The following JAM2 variants were observed in gnomAD, a reference collection of about 807,000 sequenced individuals.
JAM2 encodes the protein junctional adhesion molecule B.
JAM2 carries 17 observed loss-of-function variants against 42.0 expected under a neutral mutation model. The ratio of observed to expected loss-of-function variants is 0.40; its 90% CI spans 0.28 to 0.61. The LOEUF (loss-of-function observed/expected upper bound fraction) is 0.61, where lower values mean the gene tolerates loss of function less well. JAM2 is among the 20% of genes least tolerant of loss of function. JAM2 has a pLI of 0.37. For missense variants in JAM2, 319 were observed against 358.3 expected (o/e 0.89, Z 0.89); for synonymous variants, 118 against 128.6 (o/e 0.92, Z 0.56).
At chr21:25,678,033 A>G (rs1388900926) in intron 1 of JAM2, among the ~76,000 whole-genome samples, 2 of 152,046 alleles carry the variant, frequency 1.3e-5, no homozygotes, top group Non-Finnish European at 2.9e-5. Context: ...CAGGAGTTTG[A>G]GAACAGCCAT....
chr21:25,670,204 C>T (rs1318235172), intron 1 of JAM2, among the ~76,000 whole-genome samples: 1 of 151,958 alleles, frequency 6.6e-6, no homozygotes, highest in Non-Finnish European at 1.5e-5. Flanking sequence ...TTGACCTTGG[C>T]TGCGCATGGT....
chr21:25,675,058 G>C (rs1014223592), intron 1 of JAM2, among the ~76,000 whole-genome samples: 3 of 152,066 alleles, frequency 2.0e-5, no homozygotes, highest in African/African-American at 7.2e-5. Context: ...AGGCTGTACA[G>C]GAAGCATAGT....
intron 4 of JAM2, among the ~76,000 whole-genome samples, chr21:25,696,891 A>C (rs1462861300): frequency 6.6e-6 from 1 of 152,110 alleles, no homozygotes; most frequent in African/African-American, 2.4e-5. Flanking sequence ...TGTTGTTTTG[A>C]GACAAAATTT....
At chr21:25,706,792 T>G (rs2034280569) in intron 7 of JAM2, among the ~76,000 whole-genome samples, 1 of 152,118 alleles carries the variant, frequency 6.6e-6, no homozygotes, top group South Asian at 2.1e-4. Flanking sequence ...CAGGCTGGAG[T>G]GCAGTAGCGC....
intron 2 of JAM2, 66 bp from the exon 3 acceptor site, chr21:25,689,800 C>T: frequency 2.1e-6 from 2 of 975,006 alleles, no homozygotes; most frequent in East Asian, 2.4e-5. Context: ...ATTTTGTTAC[C>T]TAGTTAAGTA....
rs113858596 is a variant in JAM2, at chr21:25,680,397, C to A, written c.68-3486C>A. 1.5e-3 allele frequency among the ~76,000 whole-genome samples: 229 copies of A among 152,314 alleles called. 1 individual carries two copies. The highest frequency in any genetic ancestry group is 5.1e-3 in the African/African-American group (210 of 41,566). ...TACTTCAGAACATTTTCATGGATGA[C>A]TCACAATTCTTAGTCTGCAGATGGA... On this transcript the variant is annotated intron_variant, in intron 1 of 9. Transcript: ENST00000480456.
chr21:25,669,381 AAAAAAAAG>A (rs139958612), intron 1 of JAM2, among the ~76,000 whole-genome samples: 33,105 of 149,306 alleles, frequency 0.22, 5,399 homozygotes, highest in African/African-American at 0.44. Flanking sequence ...CAAAAAAAAG[AAAAAAAAG>A]AAAAAAAGAA....
chr21:25,650,594 G>T (rs895432321), intron 1 of JAM2, among the ~76,000 whole-genome samples: 1 of 152,024 alleles, frequency 6.6e-6, no homozygotes, highest in Non-Finnish European at 1.5e-5. Flanking sequence ...ATGTCCTGAC[G>T]TGTGTTTTAA....
At position 25,664,243 on chromosome 21, in the gene JAM2, AT is replaced by A. The variant is rs959333515; in HGVS notation, c.68-19630del. Among the ~76,000 whole-genome samples the A allele has an allele frequency of 8.7e-4, 129 of 148,660 alleles. 1 individual carries two copies. The highest frequency in any genetic ancestry group is 2.8e-3 in the African/African-American group (114 of 40,642). On this transcript the variant is annotated intron_variant, in intron 1 of 9. Coordinates refer to ENST00000480456, the MANE Select transcript of JAM2 (RefSeq NM_021219.4). ...TATTTATTTTTTATTTTACTTATTT[AT>A]TTTTTTTTTGAGACAGAGTCTTTCT...
chr21:25,706,117 A>G (rs749101824), intron 7 of JAM2, 31 bp downstream of exon 7: 20 of 1,297,938 alleles, frequency 1.5e-5, no homozygotes, highest in Middle Eastern at 3.6e-4. Context: ...TTTGGCAGAT[A>G]ACTTTCTATG....
Position 25,714,814 on chromosome 21 carries a change from A to G in JAM2, c.*142A>G, listed in dbSNP as rs2034450711. The stretch of plus-strand genomic sequence containing the variant: ...TTTCATTTTAATTTTCATGACTACT[A>G]ACTCACCTGAACTTGCTATTTTAAA... On this transcript the variant is annotated 3_prime_UTR_variant, in exon 10 of 10. Transcript: ENST00000480456. The G allele has an allele frequency of 5.7e-6, 3 of 522,012 alleles. No homozygotes were observed. Among genetic ancestry groups the G allele is most frequent in the Non-Finnish European group, 1.0e-5 (3 of 295,608 alleles). 32.3% of individuals were successfully genotyped at this position (522,012 alleles called of 1,614,324 possible). A position where few individuals can be genotyped will look rare whatever the true frequency, so the allele number is the denominator to read the frequency against.
intron 2 of JAM2, 51 bp downstream of exon 2, chr21:25,683,999 A>G (rs2033696034): frequency 8.7e-7 from 1 of 1,151,210 alleles, no homozygotes; most frequent in Non-Finnish European, 1.3e-6. Flanking sequence ...ATAACTCACG[A>G]GAGTGACTCG....
In JAM2 at chr21:25,715,878, T is replaced by C. The variant is rs184170160; in HGVS notation, c.*1206T>C. The C allele has an allele frequency of 6.6e-6, 1 of 152,212 alleles. No individual in the cohort carries two copies. The allele number at this position is 152,212 out of a possible 1,614,324, so 9.4% of individuals were successfully genotyped here. ...ACTTCTTTTAATTACTGAATTGATA[T>C]TAAAAACAAAATATGGCTAGGGCAT... On this transcript the variant is annotated 3_prime_UTR_variant, in exon 10 of 10. Transcript: ENST00000480456.
intron 8 of JAM2, chr21:25,710,220 AT>A (rs886413627): frequency 6.6e-6 from 1 of 152,188 alleles, no homozygotes; most frequent in African/African-American, 2.4e-5. Flanking sequence ...TTCAAATAAA[AT>A]TTTAGTTAAC....
chr21:25,699,538 C>T (rs556993452), intron 5 of JAM2, among the ~76,000 whole-genome samples: 105 of 151,872 alleles, frequency 6.9e-4, no homozygotes, highest in Non-Finnish European at 1.0e-3. Context: ...CTGGCTAACA[C>T]GGTGAAACCC....
intron 1 of JAM2, among the ~76,000 whole-genome samples, chr21:25,645,646 T>C (rs1028692135): frequency 1.3e-5 from 2 of 152,228 alleles, no homozygotes; most frequent in African/African-American, 2.4e-5. Flanking sequence ...AATTGCTTTT[T>C]ACAGTTGTCA....
At chr21:25,667,564 T>G (rs1200781447) in intron 1 of JAM2, among the ~76,000 whole-genome samples, 2 of 152,246 alleles carry the variant, frequency 1.3e-5, no homozygotes, top group East Asian at 3.8e-4. Flanking sequence ...TTAAACTTTA[T>G]CATAAGTATG....
At chr21:25,693,333 C>T (rs1277509937) in intron 3 of JAM2, among the ~76,000 whole-genome samples, 1 of 151,790 alleles carries the variant, frequency 6.6e-6, no homozygotes, top group East Asian at 1.9e-4. Flanking sequence ...TCTCGGCTCA[C>T]TGCAGCCTCC....
chr21:25,700,878 G>A (rs2034151625), intron 5 of JAM2, among the ~76,000 whole-genome samples: 1 of 152,156 alleles, frequency 6.6e-6, no homozygotes, highest in South Asian at 2.1e-4. Flanking sequence ...CTGAGCAACT[G>A]GGCAGAAAAA....
Sources: gnomAD v4.1 joint callset for allele counts (sites outside exome capture counted in the v4.1 genomes callset) on GRCh38, gnomAD v4.1.1 for gene constraint, MANE v1.5 for transcripts, NCBI Gene and HGNC (gene_info 2026-07-23, HGNC 2026-07-21) for gene names.